SPG11: variants seen among roughly 807,000 people sequenced by gnomAD.
SPG11 encodes SPG11 vesicle trafficking associated, spatacsin, also known as spatacsin.
In SPG11, 222 loss-of-function variants were observed where a neutral mutation model predicts 274.0. That is an observed-to-expected ratio of 0.81 (90% CI 0.73 to 0.91). The LOEUF (loss-of-function observed/expected upper bound fraction) is 0.91. SPG11 is among the 40% of genes least tolerant of loss of function. SPG11 has a pLI of 0.00. For synonymous variants in SPG11, 1,144 were observed against 1,039.7 expected (o/e 1.10, Z -1.93); for missense variants, 3,114 against 2,872.7 (o/e 1.08, Z -1.92).
Position 44,649,015 on chromosome 15 carries a change from T to C in SPG11, c.1457-4A>G, listed in dbSNP as rs773844127. The stretch of plus-strand genomic sequence containing the variant: ...AAAATCAGAGAGAGTCCATTCTCTA[T>C]AGGAAAAATAAAAGTTAGCTTTAAC... On this transcript the variant is annotated splice_region_variant and splice_polypyrimidine_tract_variant and intron_variant, in intron 6 of 39. Transcript: ENST00000261866. 91 of 1,610,940 alleles carry C rather than the reference T, an allele frequency of 5.6e-5. No individual in the cohort carries two copies. Among genetic ancestry groups the C allele is most frequent in the Admixed American group, 1.7e-4 (10 of 59,966 alleles).
chr15:44,633,975 A>G (rs2084161830), intron 7 of SPG11, among the ~76,000 whole-genome samples: 1 of 151,948 alleles, frequency 6.6e-6, no homozygotes, highest in Non-Finnish European at 1.5e-5. Flanking sequence ...AGTAGTTCGG[A>G]TTACAGGTGC....
intron 38 of SPG11, 31 bp from the exon 39 acceptor site, chr15:44,564,729 C>G: frequency 1.2e-6 from 2 of 1,613,434 alleles, no homozygotes. Flanking sequence ...AGGACACCAT[C>G]AGAGCCCATC....
chr15:44,619,174 G>A (rs562358252), intron 15 of SPG11, among the ~76,000 whole-genome samples: 10 of 152,248 alleles, frequency 6.6e-5, no homozygotes, highest in African/African-American at 2.2e-4. Flanking sequence ...AGCACTTAAC[G>A]TCCCTGGATC....
chr15:44,624,041 G>A (rs538254547), intron 11 of SPG11, among the ~76,000 whole-genome samples: 1 of 152,236 alleles, frequency 6.6e-6, no homozygotes, highest in South Asian at 2.1e-4. Flanking sequence ...GATTACCGGT[G>A]TGAGCCACTG....
chr15:44,599,939 C>T (rs899659356), intron 21 of SPG11, among the ~76,000 whole-genome samples: 2 of 152,136 alleles, frequency 1.3e-5, no homozygotes, highest in Non-Finnish European at 2.9e-5. Context: ...GTTTGTGGCA[C>T]CTATCAACCC....
chr15:44,596,160 C>G lies in SPG11; in HGVS notation c.4357G>C (p.Asp1453His). 1 of 1,614,202 alleles carries G rather than the reference C, an allele frequency of 6.2e-7. No individual in the cohort carries two copies. Among genetic ancestry groups the G allele is most frequent in the Non-Finnish European group, 8.5e-7 (1 of 1,180,038 alleles). Reference sequence around the variant, plus strand: ...TCAACCAGAAGCCAGTGCCAGGAGTCTGGCTCCTCTGAGCATTGGAGCAGA... The same window carrying G: ...TCAACCAGAAGCCAGTGCCAGGAGTGTGGCTCCTCTGAGCATTGGAGCAGA... ...EILLQCSEEPDSWHWLLVEAV... is the reference protein window; with the variant it reads ...EILLQCSEEPHSWHWLLVEAV... The change falls in exon 25 of 40, where the codon GAC becomes CAC. Residue 1453 changes from aspartate (D) to histidine (H), a missense_variant. Physicochemically the swap from Asp to His is moderately conservative, Grantham distance 81 (BLOSUM62 -1). Coordinates refer to ENST00000261866, the MANE Select transcript of SPG11 (RefSeq NM_025137.4).
rs767760441 is a variant in SPG11 at position 44,663,630 on chromosome 15, C to T, written c.18G>A (p.Gly6=). Residue 6 remains glycine (G), a synonymous_variant, in exon 1 of 40, where the codon GGG becomes GGA. Transcript: ENST00000261866. MAAEE[G]VASAASAGGS... ...CGCCGGCGGAAGCAGCACTCGCGAC[C>T]CCTTCCTCTGCAGCCATCTTGGCCC... The T allele has an allele frequency of 6.9e-6, 11 of 1,595,728 alleles. No individual in the cohort carries two copies. In the South Asian group the frequency reaches 1.0e-4, roughly 15 times the overall value.
intron 3 of SPG11, 143 bp downstream of exon 3, chr15:44,658,936 G>A (rs547234991): frequency 4.6e-4 from 333 of 727,058 alleles, no homozygotes; most frequent in Non-Finnish European, 7.0e-4. Context: ...AGTTTATGAG[G>A]ATCTTTTTCC....
chr15:44,637,738 A>G (rs1256192227), intron 7 of SPG11, among the ~76,000 whole-genome samples: 1 of 152,256 alleles, frequency 6.6e-6, no homozygotes, highest in Non-Finnish European at 1.5e-5. Flanking sequence ...AGATTATCAT[A>G]GAGCTGAAAA....
chr15:44,583,994 T>C lies in SPG11; in HGVS notation c.5686A>G (p.Arg1896Gly), dbSNP rs747696987. The C allele has an allele frequency of 3.7e-6, 6 of 1,614,236 alleles. No homozygotes were observed. The highest frequency in any genetic ancestry group is 5.1e-6 in the Non-Finnish European group (6 of 1,180,034). Residue 1896 changes from arginine to glycine, a missense_variant, in exon 30 of 40, where the codon AGA becomes GGA. Physicochemically the swap from Arg to Gly is moderately radical, Grantham distance 125. Coordinates refer to ENST00000261866, the MANE Select transcript of SPG11 (RefSeq NM_025137.4). ...TAAAAATGAAAATACCGGCATACTC[T>C]ACTTGCTTCATGCACACAGCCATCA... ...LDDGCVHEAS[R>G]VCRYFHFYNP... is the part of the protein sequence containing the mutation.
chr15:44,576,833 C>CT (rs1006599819), intron 30 of SPG11, among the ~76,000 whole-genome samples: 2 of 151,688 alleles, frequency 1.3e-5, no homozygotes, highest in African/African-American at 2.4e-5. Flanking sequence ...GTTGAATTGG[C>CT]TTTTTTTGTG....
rs376349498 is a variant in SPG11 at position 44,589,228 on chromosome 15, A to G, written c.4906+24T>C. On this transcript the variant is annotated intron_variant, in intron 28 of 39. Coordinates refer to ENST00000261866, the MANE Select transcript of SPG11 (RefSeq NM_025137.4). ...TAAGAAAGCTAACTTCTTAATAGCA[A>G]CTTAACTGTAAGGATTGTCTTACCA... 7.1e-5 allele frequency: 114 copies of G among 1,612,528 alleles called. 2 individuals are homozygous for G. The Admixed American group carries it at 8.0e-4, about 11-fold the overall frequency.
chr15:44,575,790 C>T (rs979512196), intron 30 of SPG11, among the ~76,000 whole-genome samples: 2 of 152,126 alleles, frequency 1.3e-5, no homozygotes, highest in Non-Finnish European at 2.9e-5. Context: ...CCACTGCACC[C>T]ACCTGCAAAT....
intron 18 of SPG11, among the ~76,000 whole-genome samples, chr15:44,610,560 T>TACA (rs2083434768): frequency 6.6e-6 from 1 of 151,364 alleles, no homozygotes. Context: ...GTTTTTTTAG[T>TACA]ACAGATGGTG....
At chr15:44,593,035 T>C (rs948830229) in intron 26 of SPG11, among the ~76,000 whole-genome samples, 6 of 151,812 alleles carry the variant, frequency 4.0e-5, no homozygotes, top group African/African-American at 1.5e-4. Flanking sequence ...GATTAAATCA[T>C]GTACGTTAAA....
intron 10 of SPG11, among the ~76,000 whole-genome samples, chr15:44,627,285 A>C (rs76727427): frequency 0.064 from 9,743 of 152,222 alleles, 817 homozygotes; most frequent in African/African-American, 0.19. Context: ...AGATCTAAAC[A>C]CTAGAGGGAA....
chr15:44,579,769 A>G (rs1050103848), intron 30 of SPG11, among the ~76,000 whole-genome samples: 1 of 152,200 alleles, frequency 6.6e-6, no homozygotes, highest in African/African-American at 2.4e-5. Flanking sequence ...GAACTGAAAA[A>G]TGCAGTTACG....
In SPG11 at chr15:44,563,231, CATCTTCACA is replaced by C; in HGVS notation, c.7213_7221del (p.Cys2405_Asp2407del). ...TATGCCAACTTGTAATACAGGTAAA[CATCTTCACA>C]ATATGTGAGTAATTTCTTCAGGTTT... On this transcript the variant is annotated inframe_deletion, in exon 40 of 40. Transcript: ENST00000261866. 6.2e-7 allele frequency: 1 copy of C among 1,614,096 alleles called. No homozygotes were observed. Among genetic ancestry groups the C allele is most frequent in the Non-Finnish European group, 8.5e-7 (1 of 1,179,932 alleles).
intron 33 of SPG11, 88 bp from the exon 34 acceptor site, chr15:44,570,746 GTGGAGAAGGGGCCTGTC>G: frequency 6.5e-7 from 1 of 1,534,318 alleles, no homozygotes; most frequent in Non-Finnish European, 8.9e-7. Flanking sequence ...AAAGGGCCTG[GTGGAGAAGGGGCCTGTC>G]TGGAGAGGGC....
Sources: allele counts gnomAD v4.1 joint callset (sites outside exome capture counted in the v4.1 genomes callset), GRCh38; gene constraint gnomAD v4.1.1; transcripts MANE v1.5; gene names NCBI Gene and HGNC (gene_info 2026-07-23, HGNC 2026-07-21).